EIF3K: variants seen among roughly 807,000 people sequenced by gnomAD.
EIF3K encodes the protein eIF-3 p28.
EIF3K carries 27 observed loss-of-function variants against 34.2 expected under a neutral mutation model. That is an observed-to-expected ratio of 0.79 (90% CI 0.58 to 1.09). The LOEUF (loss-of-function observed/expected upper bound fraction) is 1.09, where lower values mean the gene tolerates loss of function less well. EIF3K is among the 50% of genes least tolerant of loss of function. The probability of loss-of-function intolerance (pLI) is 0.00; values close to 1 mark genes in which losing one functional copy is unlikely to be tolerated. For synonymous variants in EIF3K, 105 were observed against 105.7 expected (o/e 0.99, Z 0.04); for missense variants, 232 against 275.4 (o/e 0.84, Z 1.11).
At chr19:38,635,151 G>T in intron 7 of EIF3K, 33 bp downstream of exon 7, 1 of 1,613,808 alleles carries the variant, frequency 6.2e-7, no homozygotes, top group Non-Finnish European at 8.5e-7. Context: ...GGGCTTTGGG[G>T]CTAAGGGGGT....
At chr19:38,630,339 A>ATTTTTTTT (rs1489845622) in intron 4 of EIF3K, among the ~76,000 whole-genome samples, 6 of 136,570 alleles carry the variant, frequency 4.4e-5, no homozygotes, top group African/African-American at 7.9e-5. Flanking sequence ...TTATTTATTT[A>ATTTTTTTT]TTTATTTATT....
chr19:38,634,854 C>A, intron 6 of EIF3K, 139 bp from the exon 7 acceptor site: 1 of 1,263,686 alleles, frequency 7.9e-7, no homozygotes, highest in Non-Finnish European at 1.1e-6. Context: ...GAGACCAGGC[C>A]AGCTGCTGCT....
intron 2 of EIF3K, 124 bp downstream of exon 2, chr19:38,620,559 T>A: frequency 1.2e-6 from 1 of 845,934 alleles, no homozygotes; most frequent in Non-Finnish European, 1.9e-6. Flanking sequence ...TGTGCAAGAC[T>A]AGGAAGCCAA....
intron 2 of EIF3K, among the ~76,000 whole-genome samples, chr19:38,622,965 G>A (rs987222237): frequency 1.3e-5 from 2 of 152,066 alleles, no homozygotes; most frequent in African/African-American, 4.8e-5. Context: ...CTTTTTCCAG[G>A]GTGCCCACAT....
rs375086989 is a variant in EIF3K at position 38,620,483 on chromosome 19, G to A, written c.158+48G>A. ...ACACTCCCATTGCAGCAACTAGCAG[G>A]GTGCCACTCCCAGTACAGGGCAAGG... On this transcript the variant is annotated intron_variant, in intron 2 of 7. Coordinates refer to ENST00000248342, the MANE Select transcript of EIF3K (RefSeq NM_013234.4). 11 of 1,541,496 alleles carry A rather than the reference G, an allele frequency of 7.1e-6. No individual in the cohort carries two copies. The African/African-American group carries it at 1.1e-4, about 15-fold the overall frequency.
At chr19:38,634,920 CTG>C in intron 6 of EIF3K, 71 bp from the exon 7 acceptor site, 2 of 1,600,860 alleles carry the variant, frequency 1.2e-6, no homozygotes, top group South Asian at 1.1e-5. Flanking sequence ...AGCCATGACT[CTG>C]TTGCCTCTCA....
intron 2 of EIF3K, among the ~76,000 whole-genome samples, chr19:38,621,815 T>C (rs888053861): frequency 6.6e-6 from 1 of 152,134 alleles, no homozygotes; most frequent in African/African-American, 2.4e-5. Context: ...TTTGTTGTCA[T>C]GGATGTATAG....
chr19:38,628,000 G>C (rs1461463445), intron 4 of EIF3K, among the ~76,000 whole-genome samples: 14 of 151,448 alleles, frequency 9.2e-5, no homozygotes, highest in Admixed American at 9.2e-4. Flanking sequence ...TGCCTGCTGG[G>C]TTCAAGCAAT....
intron 6 of EIF3K, 120 bp from the exon 7 acceptor site, chr19:38,634,873 G>A: frequency 1.4e-6 from 2 of 1,422,450 alleles, no homozygotes; most frequent in East Asian, 2.4e-5. Context: ...CTGTCCAGGA[G>A]ATGTCAGTGG....
chr19:38,636,813 G>T (rs1006046978), intron 7 of EIF3K, 76 bp from the exon 8 acceptor site: 1 of 1,544,848 alleles, frequency 6.5e-7, no homozygotes, highest in Non-Finnish European at 9.0e-7. Flanking sequence ...CTAAAGAATT[G>T]TGGGTGCTGT....
chr19:38,635,900 T>C (rs1976180655), intron 7 of EIF3K, among the ~76,000 whole-genome samples: 1 of 152,240 alleles, frequency 6.6e-6, no homozygotes, highest in African/African-American at 2.4e-5. Context: ...GGCGGGCTGC[T>C]GCCTTCATCC....
At chr19:38,627,080 G>C (rs1040525884) in intron 4 of EIF3K, among the ~76,000 whole-genome samples, 1 of 152,088 alleles carries the variant, frequency 6.6e-6, no homozygotes, top group Non-Finnish European at 1.5e-5. Flanking sequence ...GCCGCCTCCC[G>C]AGTTCAACTG....
intron 4 of EIF3K, 84 bp downstream of exon 4, chr19:38,626,186 C>T: frequency 1.5e-6 from 2 of 1,292,400 alleles, no homozygotes; most frequent in Non-Finnish European, 2.2e-6. Context: ...TGCACACTGA[C>T]TGGCTTCCTG....
chr19:38,634,514 C>G (rs982439876), intron 6 of EIF3K, among the ~76,000 whole-genome samples: 1 of 151,654 alleles, frequency 6.6e-6, no homozygotes, highest in Non-Finnish European at 1.5e-5. Context: ...AGGAGAATTG[C>G]TTGAACCTGG....
chr19:38,636,849 C>T (rs2233003), intron 7 of EIF3K, 40 bp from the exon 8 acceptor site: 117 of 1,613,456 alleles, frequency 7.3e-5, no homozygotes, highest in Admixed American at 5.7e-4. Context: ...GTTTGTCTCC[C>T]GCCCTTCTCA....
chr19:38,624,239 G>A, intron 3 of EIF3K, 42 bp downstream of exon 3: 1 of 1,612,556 alleles, frequency 6.2e-7, no homozygotes, highest in Middle Eastern at 1.7e-4. Context: ...GTGGGAAGGG[G>A]TCAGAGTCAA....
Position 38,626,097 on chromosome 19 carries a change from T to G in EIF3K, c.349T>G (p.Phe117Val). ...DLLETCHFQA[F>V]WQALDENMDL... ...GCTGGAGACCTGCCATTTCCAGGCC[T>G]TCTGGGTAACTTCCCTGGGGTCCAG... The change falls in exon 4 of 8, where the codon TTC becomes GTC. Residue 117 changes from phenylalanine to valine, a missense_variant. By Grantham distance (50) the Phe-to-Val change is conservative. Transcript: ENST00000248342. The G allele has an allele frequency of 6.2e-7, 1 of 1,614,094 alleles. No homozygotes were observed. Among genetic ancestry groups the G allele is most frequent in the Non-Finnish European group, 8.5e-7 (1 of 1,179,988 alleles).
Position 38,620,379 on chromosome 19 carries a change from G to C in EIF3K, c.102G>C (p.Glu34Asp). 1 of 1,614,056 alleles carries C rather than the reference G, an allele frequency of 6.2e-7. No individual in the cohort carries two copies. The highest frequency in any genetic ancestry group is 8.5e-7 in the Non-Finnish European group (1 of 1,180,000). The change falls in exon 2 of 8, where the codon GAG becomes GAC. Residue 34 changes from glutamate to aspartate, a missense_variant. Physicochemically the swap from Glu to Asp is conservative, Grantham distance 45. Transcript: ENST00000248342. ...ENLATLERYV[E>D]TQAKENAYDL... The stretch of plus-strand genomic sequence containing the variant: ...TGGCCACCCTGGAGCGCTATGTAGA[G>C]ACGCAGGCCAAGGAAAATGCCTATG...
intron 2 of EIF3K, among the ~76,000 whole-genome samples, chr19:38,620,825 C>T (rs925008395): frequency 1.3e-5 from 2 of 151,840 alleles, no homozygotes; most frequent in Non-Finnish European, 2.9e-5. Flanking sequence ...ACCCAGGAGG[C>T]GGAGATTGTG....
Sources: allele counts gnomAD v4.1 joint callset (sites outside exome capture counted in the v4.1 genomes callset), GRCh38; gene constraint gnomAD v4.1.1; transcripts MANE v1.5; gene names NCBI Gene and HGNC (gene_info 2026-07-23, HGNC 2026-07-21).